GNG2: variants seen among roughly 807,000 people sequenced by gnomAD.
GNG2 encodes guanine nucleotide-binding protein G(I)/G(S)/G(O) subunit gamma-2.
Under a neutral mutation model 5.5 loss-of-function variants are expected in GNG2, and 5 were observed. The ratio of observed to expected loss-of-function variants is 0.91; its 90% CI spans 0.48 to 1.92. The LOEUF is 1.92. Among genes scored for constraint, GNG2 ranks in the 30% most tolerant of loss-of-function variants. GNG2 has a pLI of 0.01. For synonymous variants in GNG2, 28 were observed against 32.0 expected (o/e 0.88, Z 0.42); for missense variants, 55 against 88.4 (o/e 0.62, Z 1.52).
chr14:51,960,882 C>T (rs541583212), intron 3 of GNG2, among the ~76,000 whole-genome samples: 144 of 152,274 alleles, frequency 9.5e-4, no homozygotes, highest in Admixed American at 2.5e-3. Context: ...TCCTGATATT[C>T]TTTGCATAGC....
intron 3 of GNG2, among the ~76,000 whole-genome samples, chr14:51,961,805 G>C (rs1889629424): frequency 6.6e-6 from 1 of 152,148 alleles, no homozygotes; most frequent in Non-Finnish European, 1.5e-5. Context: ...CTTTCAAAAA[G>C]TAAAGGAGAT....
At chr14:51,938,800 G>C (rs1888156600) in intron 2 of GNG2, among the ~76,000 whole-genome samples, 1 of 152,178 alleles carries the variant, frequency 6.6e-6, no homozygotes, top group Admixed American at 6.5e-5. Context: ...AAGCCTAAGA[G>C]ACCATCTAAG....
At position 51,931,412 on chromosome 14, in the gene GNG2, G is replaced by A. The variant is rs75949951; in HGVS notation, c.-29-19238G>A. ...GTTTGGGACATGTCAAGTGAGAGGC[G>A]CTCATTCACATAGAGAGGGTGAGTA... On this transcript the variant is annotated intron_variant, in intron 2 of 3. Transcript: ENST00000556766. 7.9e-3 allele frequency among the ~76,000 whole-genome samples: 1,204 copies of A among 152,266 alleles called. 20 individuals are homozygous for A. Among genetic ancestry groups the A allele is most frequent in the African/African-American group, 0.028 (1,146 of 41,536 alleles).
intron 3 of GNG2, among the ~76,000 whole-genome samples, chr14:51,953,730 G>C (rs116417823): frequency 6.6e-6 from 1 of 152,262 alleles, no homozygotes; most frequent in South Asian, 2.1e-4. Flanking sequence ...GTGTTGACAC[G>C]GTTGTCAGCT....
At chr14:51,850,330 C>T (rs560934291) in intron 2 of GNG2, among the ~76,000 whole-genome samples, 14 of 152,120 alleles carry the variant, frequency 9.2e-5, no homozygotes, top group African/African-American at 3.1e-4. Context: ...GTTCTCTTTG[C>T]GGCAATCTTA....
Position 51,914,429 on chromosome 14 carries a change from G to A in GNG2, c.-29-36221G>A, listed in dbSNP as rs566155258. Among the ~76,000 whole-genome samples, 6 of 152,286 alleles carry A rather than the reference G, an allele frequency of 3.9e-5. No homozygotes were observed. In the East Asian group the frequency reaches 5.8e-4, roughly 15 times the overall value. ...CCTTGTGCTAAGGTTCCCAAGGTGC[G>A]GGAGGGATTAGAATGAATGCTGTTT... is the stretch of plus-strand genomic sequence containing the variant. On this transcript the variant is annotated intron_variant, in intron 2 of 3. Coordinates refer to ENST00000556766, the MANE Select transcript of GNG2 (RefSeq NM_053064.5).
At chr14:51,921,138 C>T (rs1052432389) in intron 2 of GNG2, among the ~76,000 whole-genome samples, 6 of 152,084 alleles carry the variant, frequency 3.9e-5, no homozygotes, top group African/African-American at 1.4e-4. Flanking sequence ...ACTTGGGAAC[C>T]AGATTGTGAG....
At chr14:51,932,126 A>T (rs1283817636) in intron 2 of GNG2, among the ~76,000 whole-genome samples, 1 of 151,808 alleles carries the variant, frequency 6.6e-6, no homozygotes, top group Non-Finnish European at 1.5e-5. Context: ...AGGCGCCTAT[A>T]GTCCCAGCTA....
chr14:51,935,621 G>C (rs1331565397), intron 2 of GNG2, among the ~76,000 whole-genome samples: 1 of 152,174 alleles, frequency 6.6e-6, no homozygotes, highest in East Asian at 1.9e-4. Context: ...CTGGGTTTAA[G>C]TCCTTTGTTC....
rs905897500 is a variant in GNG2 at position 51,844,226 on chromosome 14, A to G, written c.64+16419A>G. Among the ~76,000 whole-genome samples, 3 of 152,126 alleles carry G rather than the reference A, an allele frequency of 2.0e-5. No homozygotes were observed. The East Asian group carries it at 5.8e-4, about 29-fold the overall frequency. On this transcript the variant is annotated intron_variant, in intron 2 of 3. Coordinates refer to the GNG2 transcript ENST00000553432. Reference sequence around the variant, plus strand: ...CACTGGCTCTCCTTTCCCTCTAGGGACCCAGTCCCCTTAACAATATTTGAT... The same window carrying G: ...CACTGGCTCTCCTTTCCCTCTAGGGGCCCAGTCCCCTTAACAATATTTGAT...
At chr14:51,832,918 G>T (rs1420974209) in intron 2 of GNG2, among the ~76,000 whole-genome samples, 1 of 152,176 alleles carries the variant, frequency 6.6e-6, no homozygotes, top group Non-Finnish European at 1.5e-5. Context: ...TAGTAAGTCA[G>T]AGAATTTTAC....
chr14:51,842,219 G>T (rs1881502591), intron 2 of GNG2, among the ~76,000 whole-genome samples: 1 of 152,186 alleles, frequency 6.6e-6, no homozygotes, highest in African/African-American at 2.4e-5. Context: ...TAGACATAGG[G>T]ATTCATGCAA....
chr14:51,879,229 G>C (rs1883880624), intron 2 of GNG2, among the ~76,000 whole-genome samples: 1 of 152,210 alleles, frequency 6.6e-6, no homozygotes, highest in Non-Finnish European at 1.5e-5. Flanking sequence ...AGTAGTCTCT[G>C]TGCTAACAAA....
intron 1 of GNG2, among the ~76,000 whole-genome samples, chr14:51,870,508 T>C (rs1883228814): frequency 6.6e-6 from 1 of 152,228 alleles, no homozygotes; most frequent in Admixed American, 6.5e-5. Context: ...TTTAAATCAA[T>C]TTGGTCTATA....
intron 3 of GNG2, among the ~76,000 whole-genome samples, chr14:51,964,269 AC>A (rs1889775725): frequency 6.6e-6 from 1 of 152,200 alleles, no homozygotes; most frequent in Non-Finnish European, 1.5e-5. Flanking sequence ...TCCAGAAGGG[AC>A]CAACCAAGCT....
At chr14:51,841,483 C>G (rs1193334299) in intron 2 of GNG2, 2 of 701,268 alleles carry the variant, frequency 2.9e-6, no homozygotes, top group Non-Finnish European at 2.6e-6. Flanking sequence ...AAGGTAGATA[C>G]TATTTTTCTC....
At chr14:51,899,644 T>A (rs763759936) in intron 2 of GNG2, among the ~76,000 whole-genome samples, 1 of 152,148 alleles carries the variant, frequency 6.6e-6, no homozygotes, top group Non-Finnish European at 1.5e-5. Context: ...AACCTGACAC[T>A]CTGTTTTAAA....
rs952634064 is a variant in GNG2 at position 51,969,067 on chromosome 14, G to A, written c.*2380G>A. On this transcript the variant is annotated 3_prime_UTR_variant, in exon 4 of 4. Transcript: ENST00000556766. ...ACTTATTCAGGGGAAAAAGTCTTTC[G>A]ATTACTTATGCCTCTATAGAGCTTA... 4.6e-5 allele frequency: 7 copies of A among 152,030 alleles called. No individual in the cohort carries two copies. Among genetic ancestry groups the A allele is most frequent in the Admixed American group, 2.0e-4 (3 of 15,274 alleles). 9.4% of individuals were successfully genotyped at this position (152,030 alleles called of 1,614,324 possible). A position where few individuals can be genotyped will look rare whatever the true frequency, so the allele number is the denominator to read the frequency against.
At chr14:51,865,333 C>T (rs1217580775) in intron 1 of GNG2, among the ~76,000 whole-genome samples, 1 of 152,078 alleles carries the variant, frequency 6.6e-6, no homozygotes, top group African/African-American at 2.4e-5. Context: ...CCCTCCCACC[C>T]TCACCTCCAA....
Sources: allele counts gnomAD v4.1 joint callset (sites outside exome capture counted in the v4.1 genomes callset), GRCh38; gene constraint gnomAD v4.1.1; transcripts MANE v1.5; gene names NCBI Gene and HGNC (gene_info 2026-07-23, HGNC 2026-07-21).